The following MSRA variants were observed in gnomAD, a reference collection of about 807,000 sequenced individuals.
MSRA encodes the protein methionine sulfoxide reductase A, also known as mitochondrial peptide methionine sulfoxide reductase.
Under a neutral mutation model 31.3 loss-of-function variants are expected in MSRA, and 54 were observed. That is an observed-to-expected ratio of 1.73 (90% CI 1.39 to 2.17). The LOEUF is 2.17. Among genes scored for constraint, MSRA ranks in the 30% most tolerant of loss-of-function variants. The pLI is 0.00. For missense variants in MSRA, 507 were observed against 300.9 expected (o/e 1.69, Z -5.07); for synonymous variants, 169 against 116.5 (o/e 1.45, Z -2.90).
chr8:10,245,663 T>G (rs1297310666), intron 3 of MSRA, among the ~76,000 whole-genome samples: 1 of 152,202 alleles, frequency 6.6e-6, no homozygotes, highest in Non-Finnish European at 1.5e-5. Context: ...TAGCACTAAC[T>G]GCCAGGTGGG....
intron 5 of MSRA, among the ~76,000 whole-genome samples, chr8:10,330,315 C>T (rs1476068900): frequency 1.3e-5 from 2 of 151,784 alleles, no homozygotes; most frequent in East Asian, 3.9e-4. Flanking sequence ...TTAATTATAC[C>T]AACCCAAATG....
At chr8:10,269,150 A>T (rs1798898031) in intron 3 of MSRA, among the ~76,000 whole-genome samples, 1 of 152,222 alleles carries the variant, frequency 6.6e-6, no homozygotes, top group South Asian at 2.1e-4. Flanking sequence ...TTGCTGCTGC[A>T]CGTTGTGCTC....
At chr8:10,192,430 T>C (rs1807589181) in intron 1 of MSRA, among the ~76,000 whole-genome samples, 1 of 152,154 alleles carries the variant, frequency 6.6e-6, no homozygotes, top group Admixed American at 6.5e-5. Flanking sequence ...CTTGATTGCA[T>C]GTTTGTGGGA....
Position 10,301,645 on chromosome 8 carries a change from T to A in MSRA, c.436+7T>A, listed in dbSNP as rs1413547970. The stretch of plus-strand genomic sequence containing the variant: ...AATCACGACCCGACCCAAGGTAGAG[T>A]GATGAGTGAGCCAGTATTTAATTAT... On this transcript the variant is annotated splice_region_variant and intron_variant, in intron 4 of 5. Transcript: ENST00000317173. 6.2e-7 allele frequency: 1 copy of A among 1,602,884 alleles called. No homozygotes were observed. The highest frequency in any genetic ancestry group is 8.5e-7 in the Non-Finnish European group (1 of 1,171,626).
chr8:10,251,673 A>G (rs1171293754), intron 3 of MSRA, among the ~76,000 whole-genome samples: 1 of 152,116 alleles, frequency 6.6e-6, no homozygotes, highest in Non-Finnish European at 1.5e-5. Context: ...TGCTCACCCA[A>G]CCATCTTCCC....
intron 3 of MSRA, among the ~76,000 whole-genome samples, chr8:10,284,963 G>T (rs902405754): frequency 6.6e-6 from 1 of 151,090 alleles, no homozygotes; most frequent in Non-Finnish European, 1.5e-5. Flanking sequence ...AGACATTCGT[G>T]TAGCAACTTG....
intron 5 of MSRA, among the ~76,000 whole-genome samples, chr8:10,412,797 A>G (rs980666967): frequency 1.3e-5 from 2 of 152,238 alleles, no homozygotes; most frequent in African/African-American, 4.8e-5. Flanking sequence ...AGAATGAGCA[A>G]ATCAAAGAAT....
intron 3 of MSRA, among the ~76,000 whole-genome samples, chr8:10,247,346 AC>A (rs962845482): frequency 3.9e-5 from 6 of 152,164 alleles, no homozygotes; most frequent in African/African-American, 1.4e-4. Flanking sequence ...TATGCCATTG[AC>A]CATGGTGTAA....
intron 2 of MSRA, among the ~76,000 whole-genome samples, chr8:10,244,333 G>A (rs984246590): frequency 2.0e-5 from 3 of 152,164 alleles, no homozygotes; most frequent in African/African-American, 4.8e-5. Context: ...CAACATTTGC[G>A]ACGTGCGTGA....
At chr8:10,227,554 G>C (rs1423908516) in intron 2 of MSRA, among the ~76,000 whole-genome samples, 1 of 152,128 alleles carries the variant, frequency 6.6e-6, no homozygotes, top group Non-Finnish European at 1.5e-5. Flanking sequence ...TACATACCTG[G>C]TACTCTTCAG....
chr8:10,132,398 A>G (rs1450317945), intron 1 of MSRA, among the ~76,000 whole-genome samples: 1 of 152,318 alleles, frequency 6.6e-6, no homozygotes, highest in Non-Finnish European at 1.5e-5. Context: ...TCTGGTTACC[A>G]TGGATCTTAG....
At chr8:10,301,389 T>A (rs1800835297) in intron 3 of MSRA, 145 bp from the exon 4 acceptor site, 1 of 622,496 alleles carries the variant, frequency 1.6e-6, no homozygotes, top group Admixed American at 2.9e-5. Context: ...TGAGAGAGAC[T>A]CTTAGCTAAA....
At chr8:10,178,335 A>G (rs1806236996) in intron 1 of MSRA, among the ~76,000 whole-genome samples, 1 of 152,156 alleles carries the variant, frequency 6.6e-6, no homozygotes, top group South Asian at 2.1e-4. Flanking sequence ...CATGTGTGTA[A>G]TCTCAGCACT....
intron 3 of MSRA, 50 bp from the exon 4 acceptor site, chr8:10,301,484 T>G (rs772403755): frequency 7.0e-7 from 1 of 1,435,888 alleles, no homozygotes; most frequent in Non-Finnish European, 9.7e-7. Flanking sequence ...AAACTTGCAA[T>G]AAATGGATGT....
chr8:10,288,605 C>T (rs1800063280), intron 3 of MSRA, among the ~76,000 whole-genome samples: 1 of 152,132 alleles, frequency 6.6e-6, no homozygotes, highest in Non-Finnish European at 1.5e-5. Flanking sequence ...AAGGCCAAGA[C>T]TTTCCTCAGA....
At chr8:10,225,614 TA>T in intron 2 of MSRA, among the ~76,000 whole-genome samples, 1 of 152,216 alleles carries the variant, frequency 6.6e-6, no homozygotes, top group Non-Finnish European at 1.5e-5. Flanking sequence ...GAGAGGGACT[TA>T]AAGAGGAAGT....
chr8:10,253,369 T>C (rs546525690), intron 3 of MSRA, among the ~76,000 whole-genome samples: 1 of 152,196 alleles, frequency 6.6e-6, no homozygotes, highest in Non-Finnish European at 1.5e-5. Flanking sequence ...CTCACGTCTC[T>C]CCTTGAACAG....
intron 4 of MSRA, among the ~76,000 whole-genome samples, chr8:10,314,616 A>G (rs182996007): frequency 1.3e-5 from 2 of 152,382 alleles, no homozygotes; most frequent in African/African-American, 4.8e-5. Flanking sequence ...AGTTGAAGAC[A>G]TGCAAACACT....
chr8:10,160,125 G>A (rs562248228), intron 1 of MSRA, among the ~76,000 whole-genome samples: 9 of 152,076 alleles, frequency 5.9e-5, no homozygotes, highest in Middle Eastern at 3.4e-3. Flanking sequence ...AATTTCCCTC[G>A]GGCCACTTAA....
Sources: gnomAD v4.1 joint callset for allele counts (sites outside exome capture counted in the v4.1 genomes callset) on GRCh38, gnomAD v4.1.1 for gene constraint, MANE v1.5 for transcripts, NCBI Gene and HGNC (gene_info 2026-07-23, HGNC 2026-07-21) for gene names.